PPARGC1A: variants seen among roughly 807,000 people sequenced by gnomAD.
PPARGC1A encodes the protein PPARG coactivator 1 alpha.
Under a neutral mutation model 88.7 loss-of-function variants are expected in PPARGC1A, and 25 were observed. That is an observed-to-expected ratio of 0.28 (90% confidence interval 0.21 to 0.39). The LOEUF is 0.39. PPARGC1A is among the 10% of genes least tolerant of loss of function. The pLI, the probability that PPARGC1A is intolerant of heterozygous loss-of-function variation, is 1.00. For missense variants in PPARGC1A, 880 were observed against 968.7 expected (o/e 0.91, Z 1.22); for synonymous variants, 363 against 355.6 (o/e 1.02, Z -0.24).
the PPARGC1A span, among the ~76,000 whole-genome samples, chr4:24,467,149 C>T: frequency 2.6e-5 from 4 of 151,250 alleles, no homozygotes; most frequent in Non-Finnish European, 5.9e-5. Context: ...GAAAGAAAAG[C>T]GAACAATGTT....
chr4:24,392,014 A>G, the PPARGC1A span, among the ~76,000 whole-genome samples: 2 of 152,200 alleles, frequency 1.3e-5, no homozygotes, highest in African/African-American at 4.8e-5. Flanking sequence ...ATAATTAATT[A>G]TTTCAATTCA....
At chr4:23,821,446 G>C (rs1322334916) in intron 7 of PPARGC1A, among the ~76,000 whole-genome samples, 4 of 151,936 alleles carry the variant, frequency 2.6e-5, no homozygotes, top group Non-Finnish European at 5.9e-5. Flanking sequence ...ACCAAAAGCA[G>C]TATTTGTTCA....
chr4:24,291,452 C>T, the PPARGC1A span, among the ~76,000 whole-genome samples: 18 of 90,096 alleles, frequency 2.0e-4, no homozygotes, highest in Admixed American at 2.1e-3. Context: ...TAGCTCATGG[C>T]TGCCATTCAC....
the PPARGC1A span, among the ~76,000 whole-genome samples, chr4:24,411,776 C>A: frequency 6.6e-6 from 1 of 152,180 alleles, no homozygotes; most frequent in Non-Finnish European, 1.5e-5. Flanking sequence ...GAGTATGCAG[C>A]CTTTTTACAT....
At chr4:24,025,530 T>C in the PPARGC1A span, among the ~76,000 whole-genome samples, 1 of 152,078 alleles carries the variant, frequency 6.6e-6, no homozygotes, top group Admixed American at 6.5e-5. Context: ...CCCACCCCCT[T>C]TGACTCTCTC....
At chr4:23,965,918 G>A in the PPARGC1A span, among the ~76,000 whole-genome samples, 1 of 151,948 alleles carries the variant, frequency 6.6e-6, no homozygotes, top group Non-Finnish European at 1.5e-5. Flanking sequence ...GTTTCTTTTG[G>A]AAACAGTTTT....
At chr4:24,379,150 T>C in the PPARGC1A span, among the ~76,000 whole-genome samples, 1 of 152,190 alleles carries the variant, frequency 6.6e-6, no homozygotes, top group Non-Finnish European at 1.5e-5. Flanking sequence ...TAAGACATGA[T>C]TAAATAAATT....
At chr4:24,125,646 A>G in the PPARGC1A span, among the ~76,000 whole-genome samples, 73 of 151,858 alleles carry the variant, frequency 4.8e-4, no homozygotes, top group Non-Finnish European at 8.2e-4. Flanking sequence ...TCATCAATTT[A>G]CAAAAAAATG....
the PPARGC1A span, among the ~76,000 whole-genome samples, chr4:24,083,013 A>T: frequency 6.6e-6 from 1 of 152,188 alleles, no homozygotes; most frequent in South Asian, 2.1e-4. Flanking sequence ...GTTTATTTGC[A>T]TTTGTTCATT....
chr4:24,437,614 TGTTG>T, the PPARGC1A span, among the ~76,000 whole-genome samples: 1 of 151,714 alleles, frequency 6.6e-6, no homozygotes, highest in Admixed American at 6.6e-5. Context: ...TTGTTGTTGT[TGTTG>T]TTGTTGTTGT....
chr4:24,272,321 C>T, the PPARGC1A span, among the ~76,000 whole-genome samples: 2 of 152,126 alleles, frequency 1.3e-5, no homozygotes, highest in African/African-American at 4.8e-5. Context: ...TTGTCTCTAA[C>T]GATGGCCTTT....
chr4:24,156,272 T>C, the PPARGC1A span, among the ~76,000 whole-genome samples: 3 of 152,168 alleles, frequency 2.0e-5, no homozygotes, highest in Non-Finnish European at 4.4e-5. Context: ...AATATTCCAA[T>C]TAACATATCC....
chr4:24,033,450 A>G, the PPARGC1A span, among the ~76,000 whole-genome samples: 1 of 151,964 alleles, frequency 6.6e-6, no homozygotes, highest in East Asian at 1.9e-4. Context: ...CGTACAAATT[A>G]AAGAACAGAA....
At chr4:24,363,843 C>T in the PPARGC1A span, among the ~76,000 whole-genome samples, 1 of 152,190 alleles carries the variant, frequency 6.6e-6, no homozygotes, top group South Asian at 2.1e-4. Flanking sequence ...GAATTAATGT[C>T]GAGGCATATT....
At chr4:24,099,964 G>T in the PPARGC1A span, among the ~76,000 whole-genome samples, 1 of 120,582 alleles carries the variant, frequency 8.3e-6, no homozygotes, top group African/African-American at 3.2e-5. Flanking sequence ...CACACCGGGG[G>T]CCTGTTGTGG....
the PPARGC1A span, among the ~76,000 whole-genome samples, chr4:24,264,447 C>G: frequency 6.6e-6 from 1 of 152,220 alleles, no homozygotes; most frequent in African/African-American, 2.4e-5. Flanking sequence ...GCCGTGAGGA[C>G]TGCATTTGCT....
chr4:24,310,187 G>A, the PPARGC1A span, among the ~76,000 whole-genome samples: 1 of 152,152 alleles, frequency 6.6e-6, no homozygotes, highest in Non-Finnish European at 1.5e-5. Context: ...AGTGTTCCAG[G>A]TTGGAGTTGA....
At chr4:23,843,008 G>T (rs1038518423) in intron 2 of PPARGC1A, among the ~76,000 whole-genome samples, 17 of 151,786 alleles carry the variant, frequency 1.1e-4, no homozygotes, top group African/African-American at 4.1e-4. Flanking sequence ...TTGTTTTATG[G>T]TCTGCCCTTC....
chr4:24,286,797 G>A, the PPARGC1A span, among the ~76,000 whole-genome samples: 1 of 152,148 alleles, frequency 6.6e-6, no homozygotes, highest in African/African-American at 2.4e-5. Flanking sequence ...CAGCGTAGGT[G>A]AGGAATTCGG....
Sources: allele counts gnomAD v4.1 joint callset (sites outside exome capture counted in the v4.1 genomes callset), GRCh38; gene constraint gnomAD v4.1.1; transcripts MANE v1.5; gene names NCBI Gene and HGNC (gene_info 2026-07-23, HGNC 2026-07-21).